SLC14A2: variants seen among roughly 807,000 people sequenced by gnomAD.
The protein encoded by SLC14A2 is solute carrier family 14 member 2.
Under a neutral mutation model 104.6 loss-of-function variants are expected in SLC14A2, and 91 were observed. The ratio of observed to expected loss-of-function variants is 0.87; its 90% CI spans 0.73 to 1.04. The LOEUF is 1.04. Among genes scored for constraint, SLC14A2 ranks in the 50% least tolerant of loss-of-function variants. The probability of loss-of-function intolerance (pLI) is 0.00; values close to 1 mark genes in which losing one functional copy is unlikely to be tolerated. For synonymous variants in SLC14A2, 476 were observed against 466.4 expected, an observed-to-expected ratio of 1.02 and a Z score of -0.27; for missense variants, 1,189 against 1,156.0, an observed-to-expected ratio of 1.03 and a Z score of -0.41.
At chr18:45,393,957 C>A (rs11875263) in intron 1 of SLC14A2, among the ~76,000 whole-genome samples, 20,435 of 152,170 alleles carry the variant, frequency 0.13, 2,164 homozygotes, top group African/African-American at 0.29. Flanking sequence ...GAGATGGGAT[C>A]CAGATTCAGG....
At chr18:45,554,139 G>T (rs1430380947) in intron 2 of SLC14A2, among the ~76,000 whole-genome samples, 3 of 152,228 alleles carry the variant, frequency 2.0e-5, no homozygotes, top group Non-Finnish European at 4.4e-5. Context: ...AGAAGAATTT[G>T]CAGGGTATAA....
At chr18:45,548,731 G>T (rs2044010440) in intron 2 of SLC14A2, among the ~76,000 whole-genome samples, 1 of 152,178 alleles carries the variant, frequency 6.6e-6, no homozygotes, top group Non-Finnish European at 1.5e-5. Context: ...ATAGTTTACA[G>T]CTACCCGGGA....
At chr18:45,618,669 C>CAAAAA (rs60728655) in intron 1 of SLC14A2, among the ~76,000 whole-genome samples, 28 of 50,674 alleles carry the variant, frequency 5.5e-4, no homozygotes, top group African/African-American at 7.7e-4. Context: ...AACTCTGTCT[C>CAAAAA]AAAAAAAAAA....
intron 1 of SLC14A2, among the ~76,000 whole-genome samples, chr18:45,347,305 A>G (rs1452116307): frequency 6.6e-6 from 1 of 152,180 alleles, no homozygotes. Context: ...CATTGAGTCA[A>G]GATTGTGCCA....
intron 1 of SLC14A2, among the ~76,000 whole-genome samples, chr18:45,310,063 C>G (rs79542147): frequency 0.016 from 2,366 of 152,122 alleles, 35 homozygotes; most frequent in Admixed American, 0.023. Flanking sequence ...TTTCTATGGC[C>G]TATGTTATTC....
chr18:45,270,844 G>T (rs571404997), intron 1 of SLC14A2, among the ~76,000 whole-genome samples: 2 of 152,120 alleles, frequency 1.3e-5, no homozygotes, highest in Non-Finnish European at 2.9e-5. Flanking sequence ...CTGGACTCTA[G>T]CTCAGCCTAA....
intron 1 of SLC14A2, among the ~76,000 whole-genome samples, chr18:45,285,824 C>G (rs1242147441): frequency 6.6e-6 from 1 of 152,120 alleles, no homozygotes; most frequent in Non-Finnish European, 1.5e-5. Flanking sequence ...CTTTGGGGCA[C>G]AGTTTGGCCA....
intron 2 of SLC14A2, among the ~76,000 whole-genome samples, chr18:45,506,727 G>A (rs978343906): frequency 6.6e-6 from 1 of 152,138 alleles, no homozygotes; most frequent in South Asian, 2.1e-4. Context: ...CCTTAGTTGT[G>A]GATTTCTAGC....
At chr18:45,376,784 C>T (rs531601414) in intron 1 of SLC14A2, among the ~76,000 whole-genome samples, 6 of 152,280 alleles carry the variant, frequency 3.9e-5, no homozygotes, top group Non-Finnish European at 8.8e-5. Flanking sequence ...TGGGAAATGG[C>T]AACCTCTGGA....
At chr18:45,453,302 C>T (rs1439135612) in intron 1 of SLC14A2, among the ~76,000 whole-genome samples, 1 of 152,174 alleles carries the variant, frequency 6.6e-6, no homozygotes, top group East Asian at 1.9e-4. Flanking sequence ...CTCCGGCATC[C>T]CCTGGCTGAG....
chr18:45,407,042 G>A (rs1487228702), intron 1 of SLC14A2, among the ~76,000 whole-genome samples: 2 of 152,124 alleles, frequency 1.3e-5, no homozygotes, highest in African/African-American at 2.4e-5. Flanking sequence ...CCCCTAACAA[G>A]AGAGTCACCC....
intron 1 of SLC14A2, among the ~76,000 whole-genome samples, chr18:45,337,868 C>T (rs1232140160): frequency 6.6e-6 from 1 of 152,200 alleles, no homozygotes; most frequent in Non-Finnish European, 1.5e-5. Context: ...GGAAAATTTG[C>T]ATCTGTAGAG....
chr18:45,391,977 T>C (rs2085973661), intron 1 of SLC14A2, among the ~76,000 whole-genome samples: 1 of 152,216 alleles, frequency 6.6e-6, no homozygotes, highest in Non-Finnish European at 1.5e-5. Context: ...TTGCTTTTGG[T>C]ATTTTAGACA....
chr18:45,549,789 A>T (rs1403785271), intron 2 of SLC14A2, among the ~76,000 whole-genome samples: 10 of 152,142 alleles, frequency 6.6e-5, no homozygotes, highest in Non-Finnish European at 1.3e-4. Context: ...AGGTTTTCTT[A>T]CATGTATGGT....
chr18:45,615,817 ATGTGTGTG>A (rs34832879), intron 1 of SLC14A2, among the ~76,000 whole-genome samples: 2 of 147,386 alleles, frequency 1.4e-5, no homozygotes, highest in Admixed American at 6.8e-5. Flanking sequence ...GTAGGGGTGT[ATGTGTGTG>A]TGTGTGTGTG....
At chr18:45,599,474 A>G (rs2044758558) in intron 2 of SLC14A2, among the ~76,000 whole-genome samples, 1 of 152,186 alleles carries the variant, frequency 6.6e-6, no homozygotes, top group African/African-American at 2.4e-5. Context: ...TACCTGGCCC[A>G]ATTTAAAGAA....
chr18:45,660,920 T>C (rs1567998561), intron 10 of SLC14A2, among the ~76,000 whole-genome samples: 1 of 152,262 alleles, frequency 6.6e-6, no homozygotes, highest in Non-Finnish European at 1.5e-5. Context: ...ATCTTCTTTG[T>C]GGCATCTGTT....
chr18:45,380,335 C>G lies in SLC14A2; in HGVS notation c.-124-102898C>G, dbSNP rs557699333. On this transcript the variant is annotated intron_variant, in intron 1 of 20. Coordinates refer to the SLC14A2 transcript ENST00000586448. ...AGTCGACCCAGGTGGGTTTATTACT[C>G]TTTGTAGCAATAGAGAGCACACACC... Among the ~76,000 whole-genome samples, 4 of 152,244 alleles carry G rather than the reference C, an allele frequency of 2.6e-5. No individual in the cohort carries two copies. In the East Asian group the frequency reaches 5.8e-4, roughly 22 times the overall value.
chr18:45,235,810 TGTGTATATATATATATATATAC>T lies in SLC14A2; in HGVS notation c.-125+22634_-125+22655del, dbSNP rs1257961021. Among the ~76,000 whole-genome samples, 10 of 104,200 alleles carry T rather than the reference TGTGTATATATATATATATATAC, an allele frequency of 9.6e-5. 2 individuals are homozygous for T. Among genetic ancestry groups the T allele is most frequent in the South Asian group, 7.7e-4 (3 of 3,912 alleles). The allele number at this position is 104,200 out of a possible 152,430, so 68.4% of individuals were successfully genotyped here. A position where few individuals can be genotyped will look rare whatever the true frequency, so the allele number is the denominator to read the frequency against. ...ATGTGTATGCGCGTGTGTGTGTGTGTGTGTATATATATATATATATACGTGTATATATATATGTATATATACA... is the reference window on the plus strand; with the variant it reads ...ATGTGTATGCGCGTGTGTGTGTGTGTGTGTATATATATATGTATATATACA... On this transcript the variant is annotated intron_variant, in intron 1 of 20. Coordinates refer to the SLC14A2 transcript ENST00000586448.
Sources: allele counts gnomAD v4.1 joint callset (sites outside exome capture counted in the v4.1 genomes callset), GRCh38; gene constraint gnomAD v4.1.1; transcripts MANE v1.5; gene names NCBI Gene and HGNC (gene_info 2026-07-23, HGNC 2026-07-21).